GCC2: variants seen among roughly 807,000 people sequenced by gnomAD.
GCC2 encodes the protein GRIP and coiled-coil domain containing 2.
In GCC2, 120 loss-of-function variants were observed where a neutral mutation model predicts 210.6. The ratio of observed to expected loss-of-function variants is 0.57; its 90% CI spans 0.49 to 0.66. The LOEUF (loss-of-function observed/expected upper bound fraction) is 0.66. Among genes scored for constraint, GCC2 ranks in the 30% least tolerant of loss-of-function variants. The pLI is 0.00. For synonymous variants in GCC2, 703 were observed against 652.7 expected (o/e 1.08, Z -1.17); for missense variants, 1,868 against 1,871.9 (o/e 1.00, Z 0.04).
chr2:108,479,502 G>A (rs1414244453), intron 9 of GCC2, among the ~76,000 whole-genome samples: 3 of 151,960 alleles, frequency 2.0e-5, no homozygotes, highest in East Asian at 1.9e-4. Context: ...TTAGTTGGCT[G>A]TAGTGGCACA....
chr2:108,503,317 T>C (rs1297795540), intron 22 of GCC2, among the ~76,000 whole-genome samples: 2 of 152,318 alleles, frequency 1.3e-5, no homozygotes, highest in African/African-American at 4.8e-5. Flanking sequence ...CTATCTCATG[T>C]ACTAAAAGAA....
chr2:108,497,648 G>A (rs928864926), intron 21 of GCC2, among the ~76,000 whole-genome samples: 16 of 152,090 alleles, frequency 1.1e-4, no homozygotes, highest in Non-Finnish European at 1.9e-4. Flanking sequence ...GGTGGAGATG[G>A]CAAAGTGGCA....
rs148204222 is a variant in GCC2 at position 108,455,714 on chromosome 2, C to T, written c.216+3248C>T. 1.6e-4 allele frequency among the ~76,000 whole-genome samples: 24 copies of T among 152,218 alleles called. No individual in the cohort carries two copies. The East Asian group carries it at 4.6e-3, about 29-fold the overall frequency. ...TCTTAGATTTTACTTAACATAATGA[C>T]CTCCAGCTCCATCCATATTCCTGGA... is the stretch of plus-strand genomic sequence containing the variant. On this transcript the variant is annotated intron_variant, in intron 4 of 22. Coordinates refer to ENST00000309863, the MANE Select transcript of GCC2 (RefSeq NM_181453.4).
rs1683299361 is a variant in GCC2 at position 108,508,156 on chromosome 2, AG to A, written c.*527del. The stretch of plus-strand genomic sequence containing the variant: ...GCGAGACCTTGTCTCTAAAAATAAT[AG>A]TAATAAAATAAAAATAACGTTTTAT... On this transcript the variant is annotated 3_prime_UTR_variant, in exon 23 of 23. Transcript: ENST00000309863. 1 of 151,016 alleles carries A rather than the reference AG, an allele frequency of 6.6e-6. No homozygotes were observed. The highest frequency in any genetic ancestry group is 2.1e-4 in the South Asian group (1 of 4,712). 9.4% of individuals were successfully genotyped at this position (151,016 alleles called of 1,614,324 possible).
chr2:108,483,284 C>T (rs1681967395), intron 12 of GCC2, 118 bp downstream of exon 12: 1 of 602,740 alleles, frequency 1.7e-6, no homozygotes, highest in Middle Eastern at 4.7e-4. Flanking sequence ...AGTGCAGTGG[C>T]ATGATCTCGG....
Position 108,475,781 on chromosome 2 carries a change from T to G in GCC2, c.2991T>G (p.Ser997=), listed in dbSNP as rs770568579. 1.5e-5 allele frequency: 24 copies of G among 1,606,086 alleles called. No homozygotes were observed. In the East Asian group the frequency reaches 4.3e-4, roughly 29 times the overall value. ...AGACTGTGAAGGAAGAACTTGAATC[T>G]CTTCGATCAGAAAAGGACCAGTTAT... ...ETQTVKEELE[S]LRSEKDQLSA... The change falls in exon 9 of 23, where the codon TCT becomes TCG. Residue 997 remains serine, a synonymous_variant. Coordinates refer to ENST00000309863, the MANE Select transcript of GCC2 (RefSeq NM_181453.4).
chr2:108,493,818 C>A, intron 19 of GCC2: 1 of 985,318 alleles, frequency 1.0e-6, no homozygotes, highest in Non-Finnish European at 1.2e-6. Flanking sequence ...GGGCAAAGGT[C>A]GCACAAGAGA....
chr2:108,464,212 G>C (rs966782469), intron 4 of GCC2, among the ~76,000 whole-genome samples: 1 of 152,184 alleles, frequency 6.6e-6, no homozygotes, highest in African/African-American at 2.4e-5. Flanking sequence ...TAGGTAGGCA[G>C]CATCACCTGT....
At chr2:108,497,289 T>G (rs1451913957) in intron 21 of GCC2, among the ~76,000 whole-genome samples, 180 bp downstream of exon 21, 1 of 152,144 alleles carries the variant, frequency 6.6e-6, no homozygotes, top group Non-Finnish European at 1.5e-5. Flanking sequence ...GCTAATTTCT[T>G]TGTAATTTTA....
Position 108,482,356 on chromosome 2 carries a change from T to C in GCC2, c.3250T>C (p.Leu1084=), listed in dbSNP as rs762166594. The C allele has an allele frequency of 1.3e-6, 2 of 1,574,650 alleles. No individual in the cohort carries two copies. Among genetic ancestry groups the C allele is most frequent in the Middle Eastern group, 1.7e-4 (1 of 5,848 alleles). The change falls in exon 11 of 23, where the codon TTA becomes CTA. Residue 1084 remains leucine, a synonymous_variant. Coordinates refer to ENST00000309863, the MANE Select transcript of GCC2 (RefSeq NM_181453.4). ...RIETLQSNAK[L]LEVQILEVQR... is the part of the protein sequence containing the mutation. ...TGAGACATTACAGTCTAATGCCAAATTATTAGAAGTACAGATTTTAGAAGT... is the reference window on the plus strand; with the variant it reads ...TGAGACATTACAGTCTAATGCCAAACTATTAGAAGTACAGATTTTAGAAGT...
chr2:108,470,423 T>C lies in GCC2; in HGVS notation c.1094T>C (p.Leu365Pro), dbSNP rs778047476. Residue 365 changes from leucine (L) to proline (P), a missense_variant, in exon 6 of 23, where the codon CTT becomes CCT. Leu to Pro is a moderately conservative substitution (Grantham distance 98, BLOSUM62 -3). Coordinates refer to ENST00000309863, the MANE Select transcript of GCC2 (RefSeq NM_181453.4). The stretch of plus-strand genomic sequence containing the variant: ...TATATGAATAATCTTAAGTTAAAAC[T>C]TGAAATGGATGCTCAACATATAAAG... The part of the protein sequence containing the change: ...VTYMNNLKLK[L>P]EMDAQHIKDE... The C allele has an allele frequency of 6.2e-7, 1 of 1,607,392 alleles. No homozygotes were observed. The highest frequency in any genetic ancestry group is 1.1e-5 in the South Asian group (1 of 90,502).
rs1405508254 is a variant in GCC2, at chr2:108,471,571, G to A, written c.2242G>A (p.Glu748Lys). The A allele has an allele frequency of 1.2e-6, 2 of 1,609,432 alleles. No individual in the cohort carries two copies. The highest frequency in any genetic ancestry group is 3.3e-4 in the Middle Eastern group (2 of 6,054). ...TAATTTAAATAAACTGCTTGAAAATGAGCAAGTTCAGAAGTTATTTGTTAA... is the reference window on the plus strand; with the variant it reads ...TAATTTAAATAAACTGCTTGAAAATAAGCAAGTTCAGAAGTTATTTGTTAA... ...QDNLNKLLEN[E>K]QVQKLFVKTQ... The change falls in exon 6 of 23, where the codon GAG becomes AAG. Residue 748 changes from glutamate (E) to lysine (K), a missense_variant. By Grantham distance (56) the Glu-to-Lys change is moderately conservative. Transcript: ENST00000309863.
chr2:108,474,616 T>C (rs1052803147), intron 7 of GCC2, among the ~76,000 whole-genome samples: 1 of 152,080 alleles, frequency 6.6e-6, no homozygotes, highest in Non-Finnish European at 1.5e-5. Flanking sequence ...GACCGGGTGG[T>C]TTAATTTTTT....
chr2:108,478,846 CTTCT>C (rs1681682437), intron 9 of GCC2, among the ~76,000 whole-genome samples: 2 of 152,300 alleles, frequency 1.3e-5, no homozygotes, highest in South Asian at 4.1e-4. Flanking sequence ...AGCACAGGAT[CTTCT>C]TTCTATGGAA....
intron 4 of GCC2, among the ~76,000 whole-genome samples, chr2:108,459,179 A>T (rs571629939): frequency 6.6e-6 from 1 of 152,216 alleles, no homozygotes; most frequent in South Asian, 2.1e-4. Context: ...GGTATGTTGT[A>T]GTTTCCATTT....
At position 108,509,257 on chromosome 2, in the gene GCC2, T is replaced by C. The variant is rs2378166; in HGVS notation, c.*1627T>C. ...TAAACTTGTTTTGAAATATAGTCTC[T>C]GCTTACGAATGTCATAACAAAATAA... On this transcript the variant is annotated 3_prime_UTR_variant, in exon 23 of 23. Coordinates refer to ENST00000309863, the MANE Select transcript of GCC2 (RefSeq NM_181453.4). 2.0e-5 allele frequency: 3 copies of C among 152,658 alleles called. No individual in the cohort carries two copies. Among genetic ancestry groups the C allele is most frequent in the African/African-American group, 7.2e-5 (3 of 41,458 alleles). 9.5% of individuals were successfully genotyped at this position (152,658 alleles called of 1,614,324 possible).
chr2:108,481,529 A>G (rs888858625), intron 9 of GCC2, among the ~76,000 whole-genome samples, 168 bp from the exon 10 acceptor site: 1 of 152,164 alleles, frequency 6.6e-6, no homozygotes, highest in Non-Finnish European at 1.5e-5. Flanking sequence ...AAAGTTACCC[A>G]AAATGTGCTA....
intron 22 of GCC2, among the ~76,000 whole-genome samples, chr2:108,501,794 A>G (rs540475222): frequency 6.6e-6 from 1 of 152,292 alleles, no homozygotes; most frequent in East Asian, 1.9e-4. Context: ...TAGAGGCCTG[A>G]TAAGATTCAG....
Position 108,471,560 on chromosome 2 carries a change from T to C in GCC2, c.2231T>C (p.Leu744Pro). 14 of 1,608,178 alleles carry C rather than the reference T, an allele frequency of 8.7e-6. No homozygotes were observed. Among genetic ancestry groups the C allele is most frequent in the Non-Finnish European group, 1.2e-5 (14 of 1,177,884 alleles). Residue 744 changes from leucine (L) to proline (P), a missense_variant, in exon 6 of 23, where the codon CTG (leucine) becomes CCG (proline). This residue lies in a region of GCC2 where 1,847 missense variants were observed against 1,765.2 expected (regional missense o/e 1.05). Transcript: ENST00000309863. ...GAAGAGCAAGATAATTTAAATAAAC[T>C]GCTTGAAAATGAGCAAGTTCAGAAG... ...MVEEQDNLNKLLENEQVQKLF... is the reference protein window; with the variant it reads ...MVEEQDNLNKPLENEQVQKLF...
Sources: gnomAD v4.1 joint callset for allele counts (sites outside exome capture counted in the v4.1 genomes callset) on GRCh38, gnomAD v4.1.1 for gene constraint, gnomAD v4.1.1 regional missense constraint, MANE v1.5 for transcripts, NCBI Gene and HGNC (gene_info 2026-07-23, HGNC 2026-07-21) for gene names.